The following PARD6G variants were observed in gnomAD, a reference collection of about 807,000 sequenced individuals.
The protein encoded by PARD6G is partitioning defective 6 homolog gamma.
Under a neutral mutation model 10.7 loss-of-function variants are expected in PARD6G, and 7 were observed. That is an observed-to-expected ratio of 0.66 (90% CI 0.37 to 1.23). The LOEUF is 1.23. PARD6G is among the 50% of genes most tolerant of loss of function. PARD6G has a pLI of 0.02. For synonymous variants in PARD6G, 287 were observed against 269.4 expected, an observed-to-expected ratio of 1.07 and a Z score of -0.64; for missense variants, 548 against 571.8, an observed-to-expected ratio of 0.96 and a Z score of 0.42.
At chr18:80,162,974 G>C (rs2052710538) in intron 2 of PARD6G, among the ~76,000 whole-genome samples, 1 of 152,214 alleles carries the variant, frequency 6.6e-6, no homozygotes, top group South Asian at 2.1e-4. Context: ...TCTGCCTCAT[G>C]ATTGCTCATT....
At chr18:80,160,913 C>G (rs780659623) in intron 2 of PARD6G, among the ~76,000 whole-genome samples, 2 of 152,230 alleles carry the variant, frequency 1.3e-5, no homozygotes, top group Non-Finnish European at 2.9e-5. Flanking sequence ...GCTTGGAGGG[C>G]TGGCGAGTGC....
rs538321936 is a variant in PARD6G at position 80,180,002 on chromosome 18, C to T, written c.296-19396G>A. Among the ~76,000 whole-genome samples, 1 of 152,360 alleles carries T rather than the reference C, an allele frequency of 6.6e-6. No individual in the cohort carries two copies. Among genetic ancestry groups the T allele is most frequent in the South Asian group, 2.1e-4 (1 of 4,830 alleles). ...GTGCCGTAGCTGGTCTCACCTCTGT[C>T]TAGGGGGGCAGAGCCTGACGGGAAC... On this transcript the variant is annotated intron_variant, in intron 2 of 2. Coordinates refer to ENST00000353265, the MANE Select transcript of PARD6G (RefSeq NM_032510.4). The surrounding 1 kb of genome is among the most constrained non-coding windows in gnomAD (Gnocchi z 5.6).
At position 80,197,275 on chromosome 18, in the gene PARD6G, G is replaced by T. The variant is rs571064051; in HGVS notation, c.295+5435C>A. Among the ~76,000 whole-genome samples, 3 of 152,294 alleles carry T rather than the reference G, an allele frequency of 2.0e-5. No homozygotes were observed. The South Asian group carries it at 6.2e-4, about 32-fold the overall frequency. ...ATCCAAGAAAAACAATTATAAGCAG[G>T]ATTTCTATGCTTGATACTTGAAAAT... is the stretch of plus-strand genomic sequence containing the variant. On this transcript the variant is annotated intron_variant, in intron 2 of 2. Transcript: ENST00000353265.
At chr18:80,226,722 G>A (rs750439027) in intron 1 of PARD6G, among the ~76,000 whole-genome samples, 99 of 152,252 alleles carry the variant, frequency 6.5e-4, no homozygotes, top group African/African-American at 2.2e-3. Context: ...CCCCAGAGAT[G>A]TGACAGACTG....
rs140482239 is a variant in PARD6G at position 80,205,015 on chromosome 18, C to T, written c.73-2083G>A. ...CACTTTCAATGACTAATCAAAGCCCCTCTAACCTACGGTCTACATACTCAG... is the reference window on the plus strand; with the variant it reads ...CACTTTCAATGACTAATCAAAGCCCTTCTAACCTACGGTCTACATACTCAG... On this transcript the variant is annotated intron_variant, in intron 1 of 2. Coordinates refer to ENST00000353265, the MANE Select transcript of PARD6G (RefSeq NM_032510.4). 3.5e-4 allele frequency among the ~76,000 whole-genome samples: 54 copies of T among 152,226 alleles called. No individual in the cohort carries two copies. In the East Asian group the frequency reaches 9.5e-3, roughly 27 times the overall value.
intron 2 of PARD6G, among the ~76,000 whole-genome samples, chr18:80,166,786 G>C (rs997210269): frequency 1.3e-5 from 2 of 151,568 alleles, no homozygotes; most frequent in Non-Finnish European, 2.9e-5. Context: ...AGGAAGGTCT[G>C]GTCCTCCCCC....
In PARD6G at chr18:80,200,319, G is replaced by C. The variant is rs902235300; in HGVS notation, c.295+2391C>G. 3.5e-4 allele frequency among the ~76,000 whole-genome samples: 53 copies of C among 152,166 alleles called. No homozygotes were observed. Among genetic ancestry groups the C allele is most frequent in the Admixed American group, 1.8e-3 (27 of 15,262 alleles). The stretch of plus-strand genomic sequence containing the variant: ...AACAACTGCCCCTGACTGCCACCTG[G>C]AATGTCGTCATCTTTACAGTCAAAT... On this transcript the variant is annotated intron_variant, in intron 2 of 2. Coordinates refer to ENST00000353265, the MANE Select transcript of PARD6G (RefSeq NM_032510.4). This position sits in a 1 kb window ranked among gnomAD's most constrained non-coding sequence, Gnocchi z 4.4.
chr18:80,239,588 C>T (rs566520030), intron 1 of PARD6G, among the ~76,000 whole-genome samples: 2 of 152,378 alleles, frequency 1.3e-5, no homozygotes, highest in South Asian at 2.1e-4. Context: ...AAGGAAGGGG[C>T]ACAAGCACCC....
chr18:80,210,337 A>G (rs1055665196), intron 1 of PARD6G, among the ~76,000 whole-genome samples: 15 of 152,262 alleles, frequency 9.9e-5, no homozygotes, highest in Non-Finnish European at 1.6e-4. Context: ...GCTTGCAACA[A>G]TGCAAGGAGT....
At chr18:80,217,347 A>G (rs1299562642) in intron 1 of PARD6G, among the ~76,000 whole-genome samples, 1 of 152,154 alleles carries the variant, frequency 6.6e-6, no homozygotes, top group Admixed American at 6.5e-5. Context: ...CACCACCCTC[A>G]AGGATGTAGA....
chr18:80,162,207 T>C lies in PARD6G; in HGVS notation c.296-1601A>G, dbSNP rs538659482. 6.8e-4 allele frequency: 103 copies of C among 152,276 alleles called. 1 individual carries two copies. Among genetic ancestry groups the C allele is most frequent in the African/African-American group, 2.3e-3 (95 of 41,562 alleles). 9.4% of individuals were successfully genotyped at this position (152,276 alleles called of 1,614,324 possible). A position where few individuals can be genotyped will look rare whatever the true frequency, so the allele number is the denominator to read the frequency against. On this transcript the variant is annotated intron_variant, in intron 2 of 2. Transcript: ENST00000353265. ...GACGGAACCCATCCGTCATCAGTTA[T>C]CAGCATAATTTATTACCCACTGACA...
rs546297909 is a variant in PARD6G at position 80,192,479 on chromosome 18, C to T, written c.295+10231G>A. Among the ~76,000 whole-genome samples, 4 of 149,308 alleles carry T rather than the reference C, an allele frequency of 2.7e-5. No homozygotes were observed. In the South Asian group the frequency reaches 8.6e-4, roughly 32 times the overall value. On this transcript the variant is annotated intron_variant, in intron 2 of 2. Transcript: ENST00000353265. This position sits in a 1 kb window ranked among gnomAD's most constrained non-coding sequence, Gnocchi z 4.9. ...CGGGAGCCCAGGGGACGGGGGAGAG[C>T]AGGTGCCACGGCGGGAGCCCAGGGG...
Position 80,159,824 on chromosome 18 carries a change from G to C in PARD6G, c.1078C>G (p.Leu360Val), listed in dbSNP as rs927673676. The C allele has an allele frequency of 8.7e-6, 13 of 1,486,150 alleles. No individual in the cohort carries two copies. Among genetic ancestry groups the C allele is most frequent in the African/African-American group, 1.5e-5 (1 of 67,640 alleles). The allele number at this position is 1,486,150 out of a possible 1,614,324, so 92.1% of individuals were successfully genotyped here. The part of the protein sequence containing the change: ...SSLRADPRHS[L>V]ALPPGGVEEH... ...TCCACGCCGCCTGGCGGCAGCGCCAGGCTGTGACGGGGGTCGGCCCGCAGG... is the reference window on the plus strand; with the variant it reads ...TCCACGCCGCCTGGCGGCAGCGCCACGCTGTGACGGGGGTCGGCCCGCAGG... Residue 360 changes from leucine (L) to valine (V), a missense_variant, in exon 3 of 3, where the codon CTG (leucine) becomes GTG (valine). This residue lies in a region of PARD6G where 313 missense variants were observed against 279.9 expected (regional missense o/e 1.12). Coordinates refer to ENST00000353265, the MANE Select transcript of PARD6G (RefSeq NM_032510.4).
chr18:80,159,752 T>A lies in PARD6G; in HGVS notation c.*19A>T, dbSNP rs753927214. 2.9e-6 allele frequency: 4 copies of A among 1,384,270 alleles called. No individual in the cohort carries two copies. In the African/African-American group the frequency reaches 6.1e-5, roughly 21 times the overall value. The allele number at this position is 1,384,270 out of a possible 1,614,324, so 85.7% of individuals were successfully genotyped here. ...CTTACCGGGGAACTGGAGCTAGGAT[T>A]TGGGGGCCTCTCGGGAGTCTAGAGC... On this transcript the variant is annotated 3_prime_UTR_variant, in exon 3 of 3. Coordinates refer to ENST00000353265, the MANE Select transcript of PARD6G (RefSeq NM_032510.4).
At chr18:80,211,249 T>C (rs981120582) in intron 1 of PARD6G, among the ~76,000 whole-genome samples, 5 of 152,234 alleles carry the variant, frequency 3.3e-5, no homozygotes, top group Non-Finnish European at 7.3e-5. Flanking sequence ...TTTTAGAGGA[T>C]ATGTGATACT....
chr18:80,183,241 A>T lies in PARD6G; in HGVS notation c.295+19469T>A, dbSNP rs1218599460. ...GAGAGACTTCTGCAAAACAAGCTGC[A>T]GATAGGCATGGAGAAGAGCAAAGCC... On this transcript the variant is annotated intron_variant, in intron 2 of 2. Transcript: ENST00000353265. This position sits in a 1 kb window ranked among gnomAD's most constrained non-coding sequence, Gnocchi z 4.5. 1.4e-6 allele frequency: 1 copy of T among 701,176 alleles called. No individual in the cohort carries two copies. The highest frequency in any genetic ancestry group is 2.0e-5 in the Admixed American group (1 of 49,878). The allele number at this position is 701,176 out of a possible 1,614,324, so 43.4% of individuals were successfully genotyped here.
intron 1 of PARD6G, among the ~76,000 whole-genome samples, chr18:80,238,915 C>T (rs375807800): frequency 1.3e-5 from 2 of 152,234 alleles, no homozygotes; most frequent in South Asian, 2.1e-4. Context: ...ACGTAGGCCA[C>T]GTGGGAGGGC....
intron 2 of PARD6G, among the ~76,000 whole-genome samples, chr18:80,164,973 C>T (rs1281546597): frequency 6.6e-6 from 1 of 152,144 alleles, no homozygotes; most frequent in African/African-American, 2.4e-5. Context: ...GATAAGCATC[C>T]AACAAACACA....
At chr18:80,242,951 C>G (rs1363963708) in intron 1 of PARD6G, among the ~76,000 whole-genome samples, 1 of 152,056 alleles carries the variant, frequency 6.6e-6, no homozygotes, top group Non-Finnish European at 1.5e-5. Flanking sequence ...AGATATGAAA[C>G]AGCATCTATA....
Sources: allele counts gnomAD v4.1 joint callset (sites outside exome capture counted in the v4.1 genomes callset), GRCh38; gene constraint gnomAD v4.1.1; regional missense constraint gnomAD v4.1.1; non-coding constraint Gnocchi (gnomAD v3.1); transcripts MANE v1.5; gene names NCBI Gene and HGNC (gene_info 2026-07-23, HGNC 2026-07-21).